The following BACH2 variants were observed in gnomAD, a reference collection of about 807,000 sequenced individuals.
The protein encoded by BACH2 is BACH transcriptional regulator 2.
A neutral mutation model predicts 61.8 loss-of-function variants in BACH2; 5 were observed. The ratio of observed to expected loss-of-function variants is 0.08; its 90% CI spans 0.04 to 0.17. BACH2 has a LOEUF of 0.17. Among genes scored for constraint, BACH2 ranks in the 10% least tolerant of loss-of-function variants. The pLI is 1.00. For missense variants in BACH2, 824 were observed against 1,091.1 expected, an observed-to-expected ratio of 0.76 and a Z score of 3.45; for synonymous variants, 446 against 440.1, an observed-to-expected ratio of 1.01 and a Z score of -0.17.
At chr6:90,063,451 A>C (rs573367559) in intron 5 of BACH2, among the ~76,000 whole-genome samples, 1 of 152,360 alleles carries the variant, frequency 6.6e-6, no homozygotes, top group African/African-American at 2.4e-5. Context: ...TGGAAAAAAC[A>C]AATTGAAAGG....
rs566403434 is a variant in BACH2 at position 89,997,044 on chromosome 6, T to C, written c.243+11558A>G. Among the ~76,000 whole-genome samples, 3 of 151,944 alleles carry C rather than the reference T, an allele frequency of 2.0e-5. No individual in the cohort carries two copies. The South Asian group carries it at 6.2e-4, about 32-fold the overall frequency. On this transcript the variant is annotated intron_variant, in intron 6 of 8. Coordinates refer to ENST00000257749, the MANE Select transcript of BACH2 (RefSeq NM_021813.4). The stretch of plus-strand genomic sequence containing the variant: ...ACACACACACACATGCATGCTCCTC[T>C]GAACGTAATTCTGTATTTTTTGGTG...
At chr6:90,087,412 T>G (rs1438385310) in intron 5 of BACH2, among the ~76,000 whole-genome samples, 1 of 152,196 alleles carries the variant, frequency 6.6e-6, no homozygotes, top group Non-Finnish European at 1.5e-5. Flanking sequence ...GAAAAAATGC[T>G]GTTTCAAATT....
At chr6:89,944,900 T>C (rs1450761069) in intron 7 of BACH2, among the ~76,000 whole-genome samples, 1 of 152,210 alleles carries the variant, frequency 6.6e-6, no homozygotes, top group Non-Finnish European at 1.5e-5. Context: ...CTTACTACTT[T>C]GGAAAATGAC....
At chr6:90,033,125 C>CAT (rs908859330) in intron 5 of BACH2, among the ~76,000 whole-genome samples, 7 of 151,676 alleles carry the variant, frequency 4.6e-5, no homozygotes, top group African/African-American at 1.5e-4. Context: ...CCAAACGCTG[C>CAT]ATGTTCTCAC....
Position 89,950,009 on chromosome 6 carries a change from G to T in BACH2, c.1836+261C>A. 1.9e-6 allele frequency: 1 copy of T among 537,294 alleles called. No homozygotes were observed. The highest frequency in any genetic ancestry group is 3.4e-6 in the Non-Finnish European group (1 of 297,386). 33.3% of individuals were successfully genotyped at this position (537,294 alleles called of 1,614,324 possible). A position where few individuals can be genotyped will look rare whatever the true frequency, so the allele number is the denominator to read the frequency against. Reference sequence around the variant, plus strand: ...AGTGTACTTCATGCATTAGACTTCAGTATATTTTTACTCAGCAGCTTGCCT... The same window carrying T: ...AGTGTACTTCATGCATTAGACTTCATTATATTTTTACTCAGCAGCTTGCCT... On this transcript the variant is annotated intron_variant, in intron 7 of 8. Transcript: ENST00000257749. The surrounding 1 kb of genome is among the most constrained non-coding windows in gnomAD (Gnocchi z 5.3).
intron 1 of BACH2, 68 bp downstream of exon 1, chr6:90,296,412 T>G (rs945227203): frequency 6.9e-6 from 1 of 144,288 alleles, no homozygotes; most frequent in Non-Finnish European, 1.5e-5. Flanking sequence ...GCGCGCCCGC[T>G]CCCCCCGCAA....
intron 1 of BACH2, among the ~76,000 whole-genome samples, chr6:90,295,770 G>A: frequency 6.6e-6 from 1 of 152,200 alleles, no homozygotes; most frequent in African/African-American, 2.4e-5. Flanking sequence ...TCTTAGCTAC[G>A]CGGGACGCTT....
At chr6:90,197,329 C>T (rs1018121140) in intron 4 of BACH2, among the ~76,000 whole-genome samples, 1 of 152,166 alleles carries the variant, frequency 6.6e-6, no homozygotes, top group African/African-American at 2.4e-5. Flanking sequence ...TCCTTTCATA[C>T]ATAGCAATCC....
At chr6:89,938,894 C>A (rs1005346456) in intron 7 of BACH2, among the ~76,000 whole-genome samples, 1 of 152,118 alleles carries the variant, frequency 6.6e-6, no homozygotes, top group African/African-American at 2.4e-5. Flanking sequence ...TCAAAAGAAC[C>A]GGGCTTTCAT....
intron 4 of BACH2, among the ~76,000 whole-genome samples, chr6:90,138,073 C>T (rs1458127268): frequency 6.6e-6 from 1 of 151,980 alleles, no homozygotes; most frequent in Non-Finnish European, 1.5e-5. Flanking sequence ...CACACACACA[C>T]ACACACACAC....
At chr6:90,066,766 G>C (rs1780986026) in intron 5 of BACH2, among the ~76,000 whole-genome samples, 1 of 152,186 alleles carries the variant, frequency 6.6e-6, no homozygotes, top group South Asian at 2.1e-4. Context: ...ATAAGGTCAA[G>C]GCCACCACTA....
At chr6:90,178,197 C>T (rs540409378) in intron 4 of BACH2, among the ~76,000 whole-genome samples, 80 of 152,302 alleles carry the variant, frequency 5.3e-4, no homozygotes, top group African/African-American at 1.8e-3. Context: ...GGCCTTTTCA[C>T]AAACCTCGGA....
At chr6:90,219,088 T>C (rs191030652) in intron 3 of BACH2, among the ~76,000 whole-genome samples, 50 of 152,198 alleles carry the variant, frequency 3.3e-4, no homozygotes, top group Admixed American at 3.2e-3. Flanking sequence ...AAAATTGTTG[T>C]TTCCACTACA....
At chr6:90,076,818 CA>C (rs1781491632) in intron 5 of BACH2, among the ~76,000 whole-genome samples, 1 of 152,156 alleles carries the variant, frequency 6.6e-6, no homozygotes, top group Admixed American at 6.6e-5. Context: ...TGCACGTACA[CA>C]TTCACTCCAC....
At chr6:89,952,175 A>T (rs1399182070) in intron 6 of BACH2, 2 of 345,158 alleles carry the variant, frequency 5.8e-6, no homozygotes, top group Admixed American at 4.4e-5. Flanking sequence ...GCACGGTGAC[A>T]ATGGGGAGCC....
intron 6 of BACH2, among the ~76,000 whole-genome samples, chr6:89,988,824 G>A (rs1776382986): frequency 2.0e-5 from 3 of 152,312 alleles, no homozygotes; most frequent in Admixed American, 1.3e-4. Flanking sequence ...GCAATGATGG[G>A]ACTGCCTAAC....
chr6:90,082,797 A>T (rs535957109), intron 5 of BACH2, among the ~76,000 whole-genome samples: 1 of 152,346 alleles, frequency 6.6e-6, no homozygotes, highest in Non-Finnish European at 1.5e-5. Flanking sequence ...GGTTCTGTCT[A>T]GAAATCAAGA....
At chr6:90,144,591 G>C (rs112949948) in intron 4 of BACH2, among the ~76,000 whole-genome samples, 8,205 of 152,306 alleles carry the variant, frequency 0.054, 414 homozygotes, top group Non-Finnish European at 0.08. Context: ...GTTCGGGAAA[G>C]CACCTTCAGG....
At chr6:90,133,943 G>A (rs1209811010) in intron 4 of BACH2, among the ~76,000 whole-genome samples, 67 of 152,188 alleles carry the variant, frequency 4.4e-4, no homozygotes, top group Non-Finnish European at 1.3e-4. Context: ...GTCTATCACT[G>A]TTGGACATTT....
Sources: allele counts gnomAD v4.1 joint callset (sites outside exome capture counted in the v4.1 genomes callset), GRCh38; gene constraint gnomAD v4.1.1; non-coding constraint Gnocchi (gnomAD v3.1); transcripts MANE v1.5; gene names NCBI Gene and HGNC (gene_info 2026-07-23, HGNC 2026-07-21).